The following GRM7 variants were observed in gnomAD, a reference collection of about 807,000 sequenced individuals.
The protein encoded by GRM7 is glutamate metabotropic receptor 7.
In GRM7, 35 loss-of-function variants were observed where a neutral mutation model predicts 84.5. The observed-to-expected ratio is 0.41, with a 90% CI of 0.32 to 0.55. The LOEUF is 0.55. Ranked by LOEUF, GRM7 falls within the 20% of genes least tolerant of loss-of-function variation. GRM7 has a pLI of 0.19. For synonymous variants in GRM7, 487 were observed against 455.1 expected, an observed-to-expected ratio of 1.07 and a Z score of -0.89; for missense variants, 1,003 against 1,194.6, an observed-to-expected ratio of 0.84 and a Z score of 2.36.
intron 2 of GRM7, among the ~76,000 whole-genome samples, chr3:7,200,048 G>A (rs993424854): frequency 2.6e-5 from 4 of 152,184 alleles, no homozygotes; most frequent in African/African-American, 9.7e-5. Context: ...TCATAACATG[G>A]TAAAATGGCG....
chr3:7,636,994 C>G (rs1698127281), intron 8 of GRM7, among the ~76,000 whole-genome samples: 1 of 152,196 alleles, frequency 6.6e-6, no homozygotes, highest in Non-Finnish European at 1.5e-5. Flanking sequence ...TAGCCTTTAA[C>G]TTCGTGGTCA....
chr3:7,434,029 T>A (rs778446821), intron 5 of GRM7, among the ~76,000 whole-genome samples: 2 of 152,120 alleles, frequency 1.3e-5, no homozygotes, highest in Non-Finnish European at 2.9e-5. Flanking sequence ...TTTCATTATA[T>A]AGATTGTGTA....
chr3:6,927,447 A>C (rs1697336453), intron 1 of GRM7, among the ~76,000 whole-genome samples: 1 of 67,806 alleles, frequency 1.5e-5, no homozygotes, highest in South Asian at 4.0e-4. Context: ...GAAGAAAGAG[A>C]AGAAAGAAAG....
intron 1 of GRM7, among the ~76,000 whole-genome samples, chr3:7,144,177 A>T (rs983556830): frequency 6.6e-5 from 10 of 152,170 alleles, no homozygotes; most frequent in Admixed American, 2.0e-4. Flanking sequence ...TATTTAAAAA[A>T]TATTTTAGTA....
intron 1 of GRM7, among the ~76,000 whole-genome samples, chr3:7,119,428 T>G (rs1693147198): frequency 6.6e-6 from 1 of 152,130 alleles, no homozygotes; most frequent in East Asian, 1.9e-4. Context: ...CTTCTTGAGA[T>G]TTCACACACA....
At chr3:7,613,418 C>T (rs1234602110) in intron 8 of GRM7, among the ~76,000 whole-genome samples, 2 of 152,078 alleles carry the variant, frequency 1.3e-5, no homozygotes, top group Admixed American at 1.3e-4. Flanking sequence ...GATTCTAGCC[C>T]AGATGGTGGC....
At chr3:7,368,932 T>C (rs1694021549) in intron 4 of GRM7, among the ~76,000 whole-genome samples, 1 of 152,068 alleles carries the variant, frequency 6.6e-6, no homozygotes, top group South Asian at 2.1e-4. Context: ...ATGCACACTC[T>C]AAATCCACCT....
intron 7 of GRM7, among the ~76,000 whole-genome samples, chr3:7,560,790 T>A (rs1030638798): frequency 6.6e-6 from 1 of 152,192 alleles, no homozygotes; most frequent in African/African-American, 2.4e-5. Context: ...ATTGGAATGG[T>A]TGCCTTCATG....
intron 8 of GRM7, among the ~76,000 whole-genome samples, chr3:7,678,721 T>A (rs1431791837): frequency 6.6e-6 from 1 of 152,244 alleles, no homozygotes; most frequent in Non-Finnish European, 1.5e-5. Flanking sequence ...AAATTAATGT[T>A]GGCTAGAAAA....
intron 2 of GRM7, among the ~76,000 whole-genome samples, chr3:7,244,578 C>T (rs941518719): frequency 6.6e-6 from 1 of 151,974 alleles, no homozygotes; most frequent in African/African-American, 2.4e-5. Flanking sequence ...TTTTAAACTC[C>T]AGAAGTAACA....
intron 4 of GRM7, among the ~76,000 whole-genome samples, chr3:7,333,052 A>G (rs2125068180): frequency 6.6e-6 from 1 of 152,214 alleles, no homozygotes; most frequent in South Asian, 2.1e-4. Flanking sequence ...AGGTCAATCA[A>G]GTCAAGCCAT....
chr3:7,274,255 G>A (rs1174560568), intron 2 of GRM7, among the ~76,000 whole-genome samples: 1 of 151,824 alleles, frequency 6.6e-6, no homozygotes, highest in Non-Finnish European at 1.5e-5. Flanking sequence ...TGAATACATT[G>A]TTGCTATTAT....
At chr3:7,312,444 C>T (rs17047091) in intron 4 of GRM7, among the ~76,000 whole-genome samples, 9,195 of 152,018 alleles carry the variant, frequency 0.06, 920 homozygotes, top group African/African-American at 0.21. Context: ...GGACATACTG[C>T]AAGAGCCATG....
At chr3:7,586,295 A>T (rs1327044994) in intron 8 of GRM7, among the ~76,000 whole-genome samples, 8 of 152,076 alleles carry the variant, frequency 5.3e-5, no homozygotes, top group Non-Finnish European at 1.2e-4. Context: ...TTAAACATAT[A>T]CCTAGCATAC....
intron 7 of GRM7, among the ~76,000 whole-genome samples, chr3:7,555,989 C>CT (rs1433525221): frequency 1.3e-5 from 2 of 152,138 alleles, no homozygotes; most frequent in African/African-American, 4.8e-5. Flanking sequence ...ATAGATTACA[C>CT]TCTCAATTAA....
intron 1 of GRM7, among the ~76,000 whole-genome samples, chr3:7,080,416 TC>T (rs1274825491): frequency 2.0e-5 from 3 of 152,020 alleles, no homozygotes; most frequent in Non-Finnish European, 4.4e-5. Context: ...CTACCACAAA[TC>T]CAAAATGTGG....
chr3:7,510,140 C>G (rs1191059546), intron 7 of GRM7, among the ~76,000 whole-genome samples: 1 of 152,092 alleles, frequency 6.6e-6, no homozygotes, highest in African/African-American at 2.4e-5. Flanking sequence ...CCCTACCTTT[C>G]CCCCAGTAAG....
chr3:7,357,066 ATT>A (rs148424682), intron 4 of GRM7, among the ~76,000 whole-genome samples: 2,011 of 150,570 alleles, frequency 0.013, 23 homozygotes, highest in Non-Finnish European at 0.02. Context: ...TATATATAAT[ATT>A]GTTTCTATCC....
intron 1 of GRM7, among the ~76,000 whole-genome samples, chr3:7,010,136 C>T (rs1187831348): frequency 1.3e-5 from 2 of 152,060 alleles, no homozygotes; most frequent in South Asian, 4.1e-4. Context: ...ACATCACAGA[C>T]AAGGGGAGAT....
Sources: gnomAD v4.1 joint callset for allele counts (sites outside exome capture counted in the v4.1 genomes callset) on GRCh38, gnomAD v4.1.1 for gene constraint, MANE v1.5 for transcripts, NCBI Gene and HGNC (gene_info 2026-07-23, HGNC 2026-07-21) for gene names.